Variants in TYW1B observed in about 807,000 individuals in gnomAD.
TYW1B encodes tRNA-yW synthesizing protein 1 homolog B.
In TYW1B, 73 loss-of-function variants were observed where a neutral mutation model predicts 86.9. The ratio of observed to expected loss-of-function variants is 0.84; its 90% CI spans 0.70 to 1.02. The LOEUF (loss-of-function observed/expected upper bound fraction) is 1.02, where lower values mean the gene tolerates loss of function less well. Among genes scored for constraint, TYW1B ranks in the 50% least tolerant of loss-of-function variants. The pLI, the probability that TYW1B is intolerant of heterozygous loss-of-function variation, is 0.00. For synonymous variants in TYW1B, 248 were observed against 292.8 expected (o/e 0.85, Z 1.56); for missense variants, 637 against 827.4 (o/e 0.77, Z 2.82).
At chr7:72,717,324 C>T (rs189973202) in intron 9 of TYW1B, among the ~76,000 whole-genome samples, 364 of 151,598 alleles carry the variant, frequency 2.4e-3, no homozygotes, top group Middle Eastern at 3.4e-3. Context: ...AAAAATCATG[C>T]AGTTTATACA....
chr7:72,615,909 G>A (rs1563031266), intron 13 of TYW1B, among the ~76,000 whole-genome samples: 1 of 152,082 alleles, frequency 6.6e-6, no homozygotes, highest in African/African-American at 2.4e-5. Context: ...AATATGGAGA[G>A]ATGGAGAGAC....
chr7:72,739,244 C>T (rs1554461623), intron 8 of TYW1B, among the ~76,000 whole-genome samples: 2 of 151,920 alleles, frequency 1.3e-5, no homozygotes, highest in East Asian at 1.9e-4. Flanking sequence ...AAACGTTCAC[C>T]GAGGTTTAAT....
intron 11 of TYW1B, among the ~76,000 whole-genome samples, chr7:72,685,019 G>T (rs1421557056): frequency 1.3e-5 from 2 of 151,830 alleles, no homozygotes; most frequent in Non-Finnish European, 2.9e-5. Flanking sequence ...GGCTGAGATA[G>T]GCAAATTGCT....
chr7:72,623,101 T>C (rs1812265827), intron 12 of TYW1B, among the ~76,000 whole-genome samples: 3 of 152,264 alleles, frequency 2.0e-5, no homozygotes, highest in Admixed American at 6.5e-5. Context: ...AGAAGTTGAA[T>C]TGGGTGATAC....
chr7:72,737,798 T>TC (rs1322332250), intron 8 of TYW1B, among the ~76,000 whole-genome samples: 3 of 151,270 alleles, frequency 2.0e-5, no homozygotes, highest in Admixed American at 6.6e-5. Context: ...TTTTTTTTTT[T>TC]TTTTGAGATG....
intron 5 of TYW1B, among the ~76,000 whole-genome samples, chr7:72,806,858 GC>G (rs1788505118): frequency 6.6e-6 from 1 of 151,982 alleles, no homozygotes; most frequent in Non-Finnish European, 1.5e-5. Flanking sequence ...TTGCTATGTT[GC>G]CCAGGCTGGT....
chr7:72,710,577 G>C (rs1160938096), intron 10 of TYW1B, among the ~76,000 whole-genome samples: 4 of 152,084 alleles, frequency 2.6e-5, no homozygotes, highest in African/African-American at 9.7e-5. Flanking sequence ...TGTAATCCCA[G>C]CACTTTGGGA....
chr7:72,811,551 T>C (rs1788619501), intron 3 of TYW1B, among the ~76,000 whole-genome samples: 1 of 151,906 alleles, frequency 6.6e-6, no homozygotes, highest in Non-Finnish European at 1.5e-5. Flanking sequence ...CTCCAAAGAA[T>C]AGGGGAACCA....
chr7:72,795,151 C>G (rs1241451632), intron 6 of TYW1B, among the ~76,000 whole-genome samples: 8 of 152,020 alleles, frequency 5.3e-5, no homozygotes, highest in East Asian at 1.9e-4. Flanking sequence ...CTGCCTCCCC[C>G]CAGCTGCTCC....
intron 4 of TYW1B, among the ~76,000 whole-genome samples, chr7:72,808,408 C>T (rs1414704892): frequency 1.3e-5 from 2 of 152,144 alleles, no homozygotes; most frequent in East Asian, 3.9e-4. Context: ...CCACTGAACT[C>T]CAACCTAGGC....
intron 7 of TYW1B, among the ~76,000 whole-genome samples, chr7:72,757,409 A>G (rs548695999): frequency 2.6e-5 from 4 of 152,044 alleles, no homozygotes; most frequent in Admixed American, 2.0e-4. Context: ...AGAATTAAGA[A>G]GAGTGGAAGT....
At chr7:72,774,381 G>GAA (rs35641958) in intron 7 of TYW1B, among the ~76,000 whole-genome samples, 7,937 of 124,702 alleles carry the variant, frequency 0.064, 355 homozygotes, top group Non-Finnish European at 0.086. Context: ...TGTCCCAGGG[G>GAA]AAAAAAAAAA....
At chr7:72,748,156 C>T (rs1554464177) in intron 7 of TYW1B, among the ~76,000 whole-genome samples, 3 of 152,140 alleles carry the variant, frequency 2.0e-5, no homozygotes, top group African/African-American at 7.2e-5. Flanking sequence ...GTAGTCCCAG[C>T]TACTAGGGAG....
chr7:72,796,948 C>T (rs1788315688), intron 6 of TYW1B, among the ~76,000 whole-genome samples: 1 of 139,058 alleles, frequency 7.2e-6, no homozygotes, highest in South Asian at 2.4e-4. Flanking sequence ...GGATTACAGG[C>T]ACGTACCACT....
chr7:72,652,215 A>T (rs1221376160), intron 11 of TYW1B, among the ~76,000 whole-genome samples: 3 of 151,896 alleles, frequency 2.0e-5, no homozygotes, highest in African/African-American at 7.3e-5. Context: ...CCTCTACTAA[A>T]AAAATAAAAA....
At chr7:72,652,578 G>A (rs1248796275) in intron 11 of TYW1B, among the ~76,000 whole-genome samples, 1 of 152,026 alleles carries the variant, frequency 6.6e-6, no homozygotes, top group Non-Finnish European at 1.5e-5. Flanking sequence ...GGGGATGACA[G>A]GGAAGAAACA....
intron 2 of TYW1B, among the ~76,000 whole-genome samples, chr7:72,816,384 TAAATA>T (rs1279108453): frequency 1.5e-4 from 22 of 151,090 alleles, no homozygotes; most frequent in African/African-American, 5.4e-4. Context: ...AATAAATAAA[TAAATA>T]AAATAAAAGA....
chr7:72,599,780 T>G (rs1811615249), intron 13 of TYW1B, among the ~76,000 whole-genome samples: 2 of 152,110 alleles, frequency 1.3e-5, no homozygotes, highest in African/African-American at 4.8e-5. Flanking sequence ...AAAACAATCA[T>G]GTTTACATTA....
chr7:72,787,946 C>T (rs1788156484), intron 6 of TYW1B, among the ~76,000 whole-genome samples: 1 of 149,104 alleles, frequency 6.7e-6, no homozygotes, highest in Non-Finnish European at 1.5e-5. Context: ...TCTCGCTGGA[C>T]CAGACCTTGT....
Sources: allele counts gnomAD v4.1 joint callset (sites outside exome capture counted in the v4.1 genomes callset), GRCh38; gene constraint gnomAD v4.1.1; transcripts MANE v1.5; gene names NCBI Gene and HGNC (gene_info 2026-07-23, HGNC 2026-07-21).